Variants in PPP2R2C observed in about 807,000 individuals in gnomAD.
The protein encoded by PPP2R2C is protein phosphatase 2 regulatory subunit Bgamma.
A neutral mutation model predicts 45.3 loss-of-function variants in PPP2R2C; 10 were observed. That is an observed-to-expected ratio of 0.22 (90% confidence interval 0.14 to 0.37). The LOEUF (loss-of-function observed/expected upper bound fraction) is 0.37, where lower values mean the gene tolerates loss of function less well. Among genes scored for constraint, PPP2R2C ranks in the 10% least tolerant of loss-of-function variants. The pLI, the probability that PPP2R2C is intolerant of heterozygous loss-of-function variation, is 1.00. For synonymous variants in PPP2R2C, 257 were observed against 245.4 expected (o/e 1.05, Z -0.44); for missense variants, 308 against 619.7 (o/e 0.50, Z 5.34).
chr4:6,447,346 C>T (rs1720479802), intron 1 of PPP2R2C, among the ~76,000 whole-genome samples: 3 of 152,198 alleles, frequency 2.0e-5, no homozygotes, highest in South Asian at 2.1e-4. Context: ...AACCTCCCAC[C>T]CTCCCGTTTC....
intron 2 of PPP2R2C, among the ~76,000 whole-genome samples, chr4:6,519,951 G>A (rs1477451930): frequency 6.6e-6 from 1 of 152,124 alleles, no homozygotes; most frequent in African/African-American, 2.4e-5. Context: ...CACCACCTGG[G>A]GTGAGCTGCT....
chr4:6,537,767 G>T (rs1724679894), intron 1 of PPP2R2C, among the ~76,000 whole-genome samples: 1 of 152,048 alleles, frequency 6.6e-6, no homozygotes, highest in South Asian at 2.1e-4. Context: ...AGCCAGGATG[G>T]TCTCGGTCTC....
chr4:6,443,863 C>T (rs1720283367), intron 1 of PPP2R2C, among the ~76,000 whole-genome samples: 1 of 152,086 alleles, frequency 6.6e-6, no homozygotes, highest in South Asian at 2.1e-4. Context: ...TCTCAGCCCA[C>T]ACAGCCTCTC....
Position 6,407,757 on chromosome 4 carries a change from A to C in PPP2R2C, c.71-26663T>G, listed in dbSNP as rs182993464. The stretch of plus-strand genomic sequence containing the variant: ...TAGACAAATGGACTGGGAAGTTCTT[A>C]AACTATTCAAAAGTGAGGAAAATGG... On this transcript the variant is annotated intron_variant, in intron 1 of 8. Coordinates refer to ENST00000382599, the MANE Select transcript of PPP2R2C (RefSeq NM_020416.4). Among the ~76,000 whole-genome samples the C allele has an allele frequency of 1.7e-3, 259 of 152,320 alleles. 1 individual carries two copies. The highest frequency in any genetic ancestry group is 5.8e-3 in the African/African-American group (241 of 41,574).
intron 2 of PPP2R2C, among the ~76,000 whole-genome samples, chr4:6,524,408 G>A (rs1252863566): frequency 2.0e-5 from 3 of 152,250 alleles, no homozygotes; most frequent in Non-Finnish European, 4.4e-5. Context: ...AGGAATGGGA[G>A]TGACTGCTTA....
chr4:6,429,858 CATGGGGGCCAGCT>C (rs2109407681), intron 1 of PPP2R2C, among the ~76,000 whole-genome samples: 1 of 152,170 alleles, frequency 6.6e-6, no homozygotes, highest in African/African-American at 2.4e-5. Flanking sequence ...CCAGGTGTGG[CATGGGGGCCAGCT>C]GGATGCCCAC....
intron 1 of PPP2R2C, among the ~76,000 whole-genome samples, chr4:6,549,141 C>T (rs1178192890): frequency 1.3e-5 from 2 of 152,200 alleles, no homozygotes; most frequent in Non-Finnish European, 2.9e-5. Context: ...TTGCTCACTC[C>T]TACACTGCAG....
At chr4:6,499,190 G>A (rs1253930411) in intron 2 of PPP2R2C, among the ~76,000 whole-genome samples, 1 of 152,160 alleles carries the variant, frequency 6.6e-6, no homozygotes, top group Non-Finnish European at 1.5e-5. Context: ...CAGTGCTTGG[G>A]TGTGTTGAGT....
At chr4:6,528,849 TTGAC>T (rs1285394541) in intron 2 of PPP2R2C, among the ~76,000 whole-genome samples, 1 of 152,070 alleles carries the variant, frequency 6.6e-6, no homozygotes, top group African/African-American at 2.4e-5. Flanking sequence ...ACAACCCCCT[TTGAC>T]TGTAATTTTC....
At chr4:6,557,387 A>AAAAG (rs767383336) in intron 1 of PPP2R2C, among the ~76,000 whole-genome samples, 14 of 152,136 alleles carry the variant, frequency 9.2e-5, no homozygotes, top group South Asian at 2.1e-4. Context: ...CAGCAAAAAA[A>AAAAG]AAAGAAAGAA....
intron 8 of PPP2R2C, among the ~76,000 whole-genome samples, chr4:6,326,207 G>T (rs1346601328): frequency 1.3e-5 from 2 of 151,940 alleles, no homozygotes; most frequent in East Asian, 3.9e-4. Context: ...AAAGGGGAAT[G>T]ATTTGGGGGT....
At chr4:6,534,043 C>A (rs1046735395) in intron 2 of PPP2R2C, among the ~76,000 whole-genome samples, 1 of 151,408 alleles carries the variant, frequency 6.6e-6, no homozygotes, top group African/African-American at 2.4e-5. Flanking sequence ...TCAACAAGCA[C>A]ACACCAACAC....
chr4:6,540,901 G>A (rs1724785231), intron 1 of PPP2R2C, among the ~76,000 whole-genome samples: 1 of 152,238 alleles, frequency 6.6e-6, no homozygotes, highest in Non-Finnish European at 1.5e-5. Context: ...AATAAAGCCA[G>A]AGGCCAGCAA....
intron 1 of PPP2R2C, among the ~76,000 whole-genome samples, chr4:6,386,543 C>T (rs1009253164): frequency 5.9e-5 from 9 of 152,230 alleles, no homozygotes; most frequent in Admixed American, 1.3e-4. Flanking sequence ...CCACCACTCA[C>T]GACTGCAGAT....
intron 2 of PPP2R2C, among the ~76,000 whole-genome samples, chr4:6,534,691 G>A (rs1262784118): frequency 2.0e-5 from 3 of 151,780 alleles, no homozygotes; most frequent in African/African-American, 2.4e-5. Flanking sequence ...CAACACGCAC[G>A]GCCCGCACAC....
rs567766678 is a variant in PPP2R2C at position 6,511,179 on chromosome 4, G to A, written c.49+24092C>T. ...AGTGAGTGTTACATGAGAAAAACAC[G>A]CAAAATGCTTAGAACGATGCCTGGC... On this transcript the variant is annotated intron_variant, in intron 2 of 9. Coordinates refer to the PPP2R2C transcript ENST00000506140. Among the ~76,000 whole-genome samples, 14 of 152,226 alleles carry A rather than the reference G, an allele frequency of 9.2e-5. No individual in the cohort carries two copies. The South Asian group carries it at 1.7e-3, about 18-fold the overall frequency.
At chr4:6,554,300 C>G (rs1335422197) in intron 1 of PPP2R2C, among the ~76,000 whole-genome samples, 1 of 152,168 alleles carries the variant, frequency 6.6e-6, no homozygotes, top group Non-Finnish European at 1.5e-5. Flanking sequence ...CACGGTGACA[C>G]CATCTACAAG....
chr4:6,385,905 A>G (rs16838707), intron 1 of PPP2R2C, among the ~76,000 whole-genome samples: 3,316 of 152,192 alleles, frequency 0.022, 112 homozygotes, highest in African/African-American at 0.069. Flanking sequence ...GCTCTTCACT[A>G]GGTACTGACA....
At chr4:6,431,032 T>G (rs1719586756) in intron 1 of PPP2R2C, among the ~76,000 whole-genome samples, 1 of 152,350 alleles carries the variant, frequency 6.6e-6, no homozygotes, top group South Asian at 2.1e-4. Flanking sequence ...GCCATCTGCC[T>G]CTTCCGGCAG....
Sources: gnomAD v4.1 joint callset for allele counts (sites outside exome capture counted in the v4.1 genomes callset) on GRCh38, gnomAD v4.1.1 for gene constraint, MANE v1.5 for transcripts, NCBI Gene and HGNC (gene_info 2026-07-23, HGNC 2026-07-21) for gene names.